Variants in PXDN observed in about 807,000 individuals in gnomAD.
The protein encoded by PXDN is peroxidasin homolog.
Under a neutral mutation model 140.3 loss-of-function variants are expected in PXDN, and 77 were observed. The ratio of observed to expected loss-of-function variants is 0.55; its 90% confidence interval spans 0.46 to 0.66. PXDN has a LOEUF of 0.66. PXDN is among the 30% of genes least tolerant of loss of function. PXDN has a pLI of 0.00. For missense variants in PXDN, 1,838 were observed against 2,039.5 expected (o/e 0.90, Z 1.90); for synonymous variants, 911 against 857.4 (o/e 1.06, Z -1.09).
At chr2:1,729,267 G>T (rs1272801991) in intron 1 of PXDN, among the ~76,000 whole-genome samples, 1 of 152,192 alleles carries the variant, frequency 6.6e-6, no homozygotes, top group Non-Finnish European at 1.5e-5. Context: ...ACTCAGCAAA[G>T]AAACATGAGC....
rs1300436990 is a variant in PXDN, at chr2:1,685,331, C to T, written c.417-1180G>A. On this transcript the variant is annotated intron_variant, in intron 4 of 22. Transcript: ENST00000252804. This position sits in a 1 kb window ranked among gnomAD's most constrained non-coding sequence, Gnocchi z 5.1. ...GGAGCAGGAAGACAAGGAAAACCGCCGTGGGCGAGCATGACGGGCGGGCAC... is the reference window on the plus strand; with the variant it reads ...GGAGCAGGAAGACAAGGAAAACCGCTGTGGGCGAGCATGACGGGCGGGCAC... Among the ~76,000 whole-genome samples, 2 of 152,240 alleles carry T rather than the reference C, an allele frequency of 1.3e-5. No individual in the cohort carries two copies. Among genetic ancestry groups the T allele is most frequent in the African/African-American group, 2.4e-5 (1 of 41,470 alleles).
At chr2:1,715,351 G>A (rs534609278) in intron 1 of PXDN, among the ~76,000 whole-genome samples, 6 of 152,278 alleles carry the variant, frequency 3.9e-5, no homozygotes, top group South Asian at 2.1e-4. Context: ...ACTGCAGGCC[G>A]TCATCTGTCT....
intron 16 of PXDN, among the ~76,000 whole-genome samples, chr2:1,650,929 G>A (rs940129201): frequency 3.9e-5 from 6 of 151,930 alleles, no homozygotes; most frequent in South Asian, 2.1e-4. Context: ...GTGGGGGAGC[G>A]GTGTCCATAA....
rs1433910185 is a variant in PXDN, at chr2:1,666,257, G to A, written c.1248C>T (p.Asn416=). The part of the protein sequence containing the change: ...DSGEYACSAT[N]NIDSVHATAF... ...CGGTGGCATGGACGCTGTCAATGTTGTTGGTCGCAGAGCACGCATACTCTC... is the reference window on the plus strand; with the variant it reads ...CGGTGGCATGGACGCTGTCAATGTTATTGGTCGCAGAGCACGCATACTCTC... Residue 416 remains asparagine, a synonymous_variant, in exon 10 of 23, where the codon AAC becomes AAT. Coordinates refer to ENST00000252804, the MANE Select transcript of PXDN (RefSeq NM_012293.3). 1.2e-6 allele frequency: 2 copies of A among 1,614,060 alleles called. No individual in the cohort carries two copies. The highest frequency in any genetic ancestry group is 1.7e-5 in the Admixed American group (1 of 60,032).
chr2:1,710,815 C>A (rs1572182300), intron 1 of PXDN, among the ~76,000 whole-genome samples: 1 of 54,652 alleles, frequency 1.8e-5, no homozygotes. Flanking sequence ...CCCACTCCAC[C>A]AGCACCCACT....
chr2:1,653,589 T>G (rs1683062176), intron 16 of PXDN, 39 bp downstream of exon 16: 1 of 1,606,880 alleles, frequency 6.2e-7, no homozygotes, highest in Middle Eastern at 1.7e-4. Flanking sequence ...ACCCCGTTAC[T>G]CAGGCCATGG....
At chr2:1,657,866 C>G (rs866221080) in intron 14 of PXDN, among the ~76,000 whole-genome samples, 3 of 147,772 alleles carry the variant, frequency 2.0e-5, no homozygotes, top group African/African-American at 5.3e-5. Flanking sequence ...CTGACAAGGA[C>G]GTGCCCCCTC....
At chr2:1,706,010 G>C (rs1402609274) in intron 1 of PXDN, among the ~76,000 whole-genome samples, 2 of 152,162 alleles carry the variant, frequency 1.3e-5, no homozygotes, top group East Asian at 3.9e-4. Flanking sequence ...CACCGTCAAG[G>C]CTACTGGCTT....
intron 1 of PXDN, among the ~76,000 whole-genome samples, chr2:1,705,891 T>C (rs1190342761): frequency 1.3e-5 from 2 of 152,096 alleles, no homozygotes; most frequent in Non-Finnish European, 1.5e-5. Context: ...CCAGCCCTTT[T>C]GGAGAGTTTC....
intron 1 of PXDN, among the ~76,000 whole-genome samples, chr2:1,705,956 C>A (rs1193573108): frequency 5.3e-5 from 8 of 151,512 alleles, no homozygotes; most frequent in Admixed American, 2.6e-4. Flanking sequence ...CGGCCTCCCC[C>A]AGGCACTCCA....
intron 1 of PXDN, among the ~76,000 whole-genome samples, chr2:1,733,596 G>C (rs142076906): frequency 0.014 from 2,150 of 152,084 alleles, 42 homozygotes; most frequent in African/African-American, 0.048. Flanking sequence ...ACAAAAATTA[G>C]CCAGGTGTGG....
At chr2:1,638,155 A>G (rs544314884) in intron 21 of PXDN, among the ~76,000 whole-genome samples, 2 of 152,278 alleles carry the variant, frequency 1.3e-5, no homozygotes, top group South Asian at 2.1e-4. Context: ...AATGTGCTGC[A>G]GACAGCCAGG....
chr2:1,654,012 G>C, intron 15 of PXDN: 2 of 541,864 alleles, frequency 3.7e-6, no homozygotes, highest in South Asian at 2.9e-5. Context: ...AGTCAATAGA[G>C]AAAATCACAG....
chr2:1,693,387 C>T (rs924734077), intron 1 of PXDN, among the ~76,000 whole-genome samples: 3 of 152,184 alleles, frequency 2.0e-5, no homozygotes, highest in Admixed American at 6.5e-5. Flanking sequence ...ACATAAACTA[C>T]CTAAGCACCC....
chr2:1,655,210 A>T (rs1683101831), intron 14 of PXDN, among the ~76,000 whole-genome samples: 1 of 151,634 alleles, frequency 6.6e-6, no homozygotes, highest in African/African-American at 2.4e-5. Flanking sequence ...TTATACACAG[A>T]AACACATACC....
intron 1 of PXDN, among the ~76,000 whole-genome samples, chr2:1,699,817 C>T (rs930459911): frequency 1.2e-4 from 18 of 152,190 alleles, no homozygotes; most frequent in African/African-American, 3.6e-4. Context: ...AAAATTATCT[C>T]AATTATGGAA....
At chr2:1,682,055 T>C (rs1184278589) in intron 6 of PXDN, among the ~76,000 whole-genome samples, 1 of 152,166 alleles carries the variant, frequency 6.6e-6, no homozygotes, top group Non-Finnish European at 1.5e-5. Flanking sequence ...TGTAAATCTA[T>C]CACAGAATCT....
intron 1 of PXDN, among the ~76,000 whole-genome samples, chr2:1,715,260 C>T (rs532868821): frequency 1.5e-4 from 23 of 152,098 alleles, no homozygotes; most frequent in East Asian, 5.8e-4. Context: ...GGGAAAGAGC[C>T]GACGGTCATC....
chr2:1,670,268 G>A (rs564028525), intron 9 of PXDN, among the ~76,000 whole-genome samples: 42 of 152,300 alleles, frequency 2.8e-4, no homozygotes, highest in African/African-American at 9.9e-4. Context: ...AAATTATGGT[G>A]CATTTAGATC....
Sources: gnomAD v4.1 joint callset for allele counts (sites outside exome capture counted in the v4.1 genomes callset) on GRCh38, gnomAD v4.1.1 for gene constraint, Gnocchi (gnomAD v3.1) non-coding constraint, MANE v1.5 for transcripts, NCBI Gene and HGNC (gene_info 2026-07-23, HGNC 2026-07-21) for gene names.